Variants in IFT57 observed in about 807,000 individuals in gnomAD.
IFT57 encodes intraflagellar transport 57.
IFT57 carries 59 observed loss-of-function variants against 56.8 expected under a neutral mutation model. The ratio of observed to expected loss-of-function variants is 1.04; its 90% CI spans 0.84 to 1.29. The LOEUF (loss-of-function observed/expected upper bound fraction) is 1.29. IFT57 is among the 50% of genes most tolerant of loss of function. IFT57 has a pLI of 0.00. For missense variants in IFT57, 470 were observed against 522.1 expected (o/e 0.90, Z 0.97); for synonymous variants, 209 against 186.1 (o/e 1.12, Z -1.00).
At chr3:108,207,869 C>A (rs1007907407) in intron 4 of IFT57, among the ~76,000 whole-genome samples, 2 of 152,066 alleles carry the variant, frequency 1.3e-5, no homozygotes, top group East Asian at 3.9e-4. Context: ...CAGTGAAACC[C>A]TGTCTCTACT....
In IFT57 at chr3:108,187,131, C is replaced by CA. The variant is rs889897419; in HGVS notation, c.777+4389dup. 3.3e-5 allele frequency among the ~76,000 whole-genome samples: 5 copies of CA among 150,962 alleles called. No individual in the cohort carries two copies. In the East Asian group the frequency reaches 5.8e-4, roughly 18 times the overall value. The stretch of plus-strand genomic sequence containing the variant: ...TTACCAGGAACATTATAATCAATGC[C>CA]AAAAAAAATGAACCATTAATATGGT... On this transcript the variant is annotated intron_variant, in intron 6 of 10. Coordinates refer to ENST00000264538, the MANE Select transcript of IFT57 (RefSeq NM_018010.4).
chr3:108,210,639 T>C (rs2080338685), intron 4 of IFT57, among the ~76,000 whole-genome samples: 1 of 151,908 alleles, frequency 6.6e-6, no homozygotes, highest in Admixed American at 6.6e-5. Flanking sequence ...GGCCAACCTT[T>C]ACCATCCTTG....
intron 4 of IFT57, among the ~76,000 whole-genome samples, chr3:108,208,564 A>G (rs2080326515): frequency 6.6e-6 from 1 of 152,208 alleles, no homozygotes; most frequent in African/African-American, 2.4e-5. Flanking sequence ...AGGTCCAGGA[A>G]TCAAGGGGTG....
At chr3:108,183,363 C>G (rs909678031) in intron 6 of IFT57, among the ~76,000 whole-genome samples, 1 of 152,098 alleles carries the variant, frequency 6.6e-6, no homozygotes, top group Non-Finnish European at 1.5e-5. Context: ...GCAGCCAGAC[C>G]GGGAAGCAAA....
At chr3:108,213,673 C>T (rs1220012600) in intron 4 of IFT57, 2 of 307,694 alleles carry the variant, frequency 6.5e-6, no homozygotes, top group Non-Finnish European at 1.2e-5. Flanking sequence ...AAAGTATTTA[C>T]TCATATAACT....
At chr3:108,204,598 G>GC (rs2080299313) in intron 5 of IFT57, among the ~76,000 whole-genome samples, 1 of 152,184 alleles carries the variant, frequency 6.6e-6, no homozygotes, top group South Asian at 2.1e-4. Context: ...ATAACTGTGT[G>GC]CATCTCTACT....
chr3:108,187,395 C>T (rs9881619), intron 6 of IFT57, among the ~76,000 whole-genome samples: 14,631 of 152,032 alleles, frequency 0.096, 766 homozygotes, highest in Middle Eastern at 0.12. Context: ...AATATTGTTA[C>T]ATGATAAGAT....
intron 2 of IFT57, among the ~76,000 whole-genome samples, 186 bp from the exon 3 acceptor site, chr3:108,218,839 CAA>C (rs559817550): frequency 6.6e-5 from 10 of 152,060 alleles, no homozygotes; most frequent in Admixed American, 1.3e-4. Context: ...TAAAAATACT[CAA>C]AGACTTTTAT....
At chr3:108,172,701 G>T (rs1240606810) in intron 6 of IFT57, among the ~76,000 whole-genome samples, 1 of 151,796 alleles carries the variant, frequency 6.6e-6, no homozygotes, top group African/African-American at 2.4e-5. Flanking sequence ...TACGCATATG[G>T]GGTGACTGAA....
rs550802649 is a variant in IFT57 at position 108,173,828 on chromosome 3, T to C, written c.778-5964A>G. Among the ~76,000 whole-genome samples, 164 of 145,122 alleles carry C rather than the reference T, an allele frequency of 1.1e-3. 1 individual carries two copies. The highest frequency in any genetic ancestry group is 4.2e-3 in the African/African-American group (162 of 38,840). Reference sequence around the variant, plus strand: ...TGTGTGTATATAATATAGTATATTATATACAGTAATATTAAACATTAAAAT... The same window carrying C: ...TGTGTGTATATAATATAGTATATTACATACAGTAATATTAAACATTAAAAT... On this transcript the variant is annotated intron_variant, in intron 6 of 10. Coordinates refer to ENST00000264538, the MANE Select transcript of IFT57 (RefSeq NM_018010.4).
chr3:108,180,055 A>G (rs1560107661), intron 6 of IFT57, among the ~76,000 whole-genome samples: 1 of 152,016 alleles, frequency 6.6e-6, no homozygotes, highest in East Asian at 1.9e-4. Context: ...AACACTGTAC[A>G]TCATCGGTAA....
At chr3:108,187,816 C>T (rs2080193015) in intron 6 of IFT57, among the ~76,000 whole-genome samples, 2 of 151,928 alleles carry the variant, frequency 1.3e-5, no homozygotes, top group South Asian at 4.2e-4. Flanking sequence ...ACACACTGAC[C>T]CCAAAATAAT....
In IFT57 at chr3:108,161,016, T is replaced by C. The variant is rs2080029119; in HGVS notation, c.*1461A>G. 6.6e-6 allele frequency: 1 copy of C among 152,172 alleles called. No individual in the cohort carries two copies. Among genetic ancestry groups the C allele is most frequent in the Non-Finnish European group, 1.5e-5 (1 of 68,028 alleles). The allele number at this position is 152,172 out of a possible 1,614,324, so 9.4% of individuals were successfully genotyped here. ...CTTTGCTTCTGATTGAAATGCATTTTAAGGAGAGTTCTGATTTATCTAAAA... is the reference window on the plus strand; with the variant it reads ...CTTTGCTTCTGATTGAAATGCATTTCAAGGAGAGTTCTGATTTATCTAAAA... On this transcript the variant is annotated 3_prime_UTR_variant, in exon 11 of 11. Transcript: ENST00000264538.
At chr3:108,220,511 G>C (rs1026424319) in intron 1 of IFT57, among the ~76,000 whole-genome samples, 1 of 152,140 alleles carries the variant, frequency 6.6e-6, no homozygotes, top group African/African-American at 2.4e-5. Context: ...AGAAAGCTGG[G>C]AAGAAAAAAG....
chr3:108,222,260 A>C lies in IFT57; in HGVS notation c.63T>G (p.Arg21=). The C allele has an allele frequency of 6.2e-7, 1 of 1,613,946 alleles. No individual in the cohort carries two copies. The highest frequency in any genetic ancestry group is 1.1e-5 in the South Asian group (1 of 91,060). Residue 21 remains arginine (R), a synonymous_variant, in exon 1 of 11, where the codon CGT becomes CGG. Coordinates refer to ENST00000264538, the MANE Select transcript of IFT57 (RefSeq NM_018010.4). ...AGACCACTTCCCCGGTCCCTTCGCC[A>C]CGGGACCTAGGCACCCCATCTTCCA... ...SGLEDGVPRS[R]GEGTGEVVLE... is the part of the protein sequence containing the mutation.
At chr3:108,193,898 T>C (rs918697364) in intron 5 of IFT57, among the ~76,000 whole-genome samples, 1 of 152,202 alleles carries the variant, frequency 6.6e-6, no homozygotes, top group African/African-American at 2.4e-5. Context: ...AGACCCAGCT[T>C]CTCATTTTCT....
intron 3 of IFT57, among the ~76,000 whole-genome samples, chr3:108,215,689 GTTC>G (rs2080368272): frequency 1.3e-5 from 2 of 152,070 alleles, no homozygotes; most frequent in African/African-American, 4.8e-5. Context: ...CAAAGGCAAT[GTTC>G]TTCTAGGATT....
At chr3:108,198,721 G>A (rs543323222) in intron 5 of IFT57, among the ~76,000 whole-genome samples, 4 of 152,158 alleles carry the variant, frequency 2.6e-5, no homozygotes, top group South Asian at 2.1e-4. Context: ...GACTAGAGGC[G>A]TGAGTCACTG....
At chr3:108,181,255 A>G (rs35444506) in intron 6 of IFT57, among the ~76,000 whole-genome samples, 14,642 of 152,066 alleles carry the variant, frequency 0.096, 766 homozygotes, top group Middle Eastern at 0.12. Context: ...AATCTTTTTT[A>G]GTTGCTAAGA....
Sources: gnomAD v4.1 joint callset for allele counts (sites outside exome capture counted in the v4.1 genomes callset) on GRCh38, gnomAD v4.1.1 for gene constraint, MANE v1.5 for transcripts, NCBI Gene and HGNC (gene_info 2026-07-23, HGNC 2026-07-21) for gene names.